The following NUFIP1 variants were observed in gnomAD, a reference collection of about 807,000 sequenced individuals.
NUFIP1 encodes nuclear FMR1 interacting protein 1.
A neutral mutation model predicts 56.2 loss-of-function variants in NUFIP1; 38 were observed. The observed-to-expected ratio is 0.68, with a 90% CI of 0.52 to 0.89. NUFIP1 has a LOEUF of 0.89. Ranked by LOEUF, NUFIP1 falls within the 40% of genes least tolerant of loss-of-function variation. NUFIP1 has a pLI of 0.00. For missense variants in NUFIP1, 567 were observed against 605.8 expected (o/e 0.94, Z 0.67); for synonymous variants, 215 against 212.4 (o/e 1.01, Z -0.10).
At chr13:44,988,242 A>C (rs1872492839) in intron 1 of NUFIP1, among the ~76,000 whole-genome samples, 1 of 152,210 alleles carries the variant, frequency 6.6e-6, no homozygotes, top group Non-Finnish European at 1.5e-5. Context: ...AACACGGGGC[A>C]ACCCCCTTTC....
chr13:44,977,249 C>T (rs1489045990), intron 5 of NUFIP1, among the ~76,000 whole-genome samples: 3 of 152,170 alleles, frequency 2.0e-5, no homozygotes, highest in East Asian at 3.8e-4. Flanking sequence ...TGTATAAGAC[C>T]AGGGCCAACT....
intron 1 of NUFIP1, among the ~76,000 whole-genome samples, chr13:44,982,543 C>T (rs74068019): frequency 3.1e-4 from 47 of 152,268 alleles, no homozygotes; most frequent in African/African-American, 1.1e-3. Context: ...TCTCAAATCC[C>T]ACTGTACTTT....
Position 44,941,046 on chromosome 13 carries a change from G to A in NUFIP1, c.*160C>T. 1 of 506,518 alleles carries A rather than the reference G, an allele frequency of 2.0e-6. No individual in the cohort carries two copies. The highest frequency in any genetic ancestry group is 3.7e-5 in the South Asian group (1 of 26,898). The allele number at this position is 506,518 out of a possible 1,614,324, so 31.4% of individuals were successfully genotyped here. On this transcript the variant is annotated 3_prime_UTR_variant, in exon 10 of 10. Transcript: ENST00000379161. ...AATCAGTTATTTTTTTATTTGCATA[G>A]AACCAAAGGAAAGACTTAAAATTCC...
chr13:44,974,518 G>A (rs770983645), intron 5 of NUFIP1, among the ~76,000 whole-genome samples: 3 of 152,300 alleles, frequency 2.0e-5, no homozygotes, highest in Non-Finnish European at 2.9e-5. Flanking sequence ...GTAAGTGGCT[G>A]AAACTGCATG....
At chr13:44,966,690 A>G (rs73179677) in intron 5 of NUFIP1, among the ~76,000 whole-genome samples, 2 of 152,182 alleles carry the variant, frequency 1.3e-5, no homozygotes, top group African/African-American at 2.4e-5. Flanking sequence ...ACAGTTCTCA[A>G]AAAATATACA....
At chr13:44,945,486 T>C (rs561672731) in intron 8 of NUFIP1, among the ~76,000 whole-genome samples, 6 of 151,748 alleles carry the variant, frequency 4.0e-5, no homozygotes, top group African/African-American at 9.7e-5. Context: ...GAGGAGGAAA[T>C]AGATCCCTAC....
Position 44,989,293 on chromosome 13 carries a change from T to C in NUFIP1, c.144A>G (p.Pro48=), listed in dbSNP as rs766841819. ...MFWAMLPPPP[P]PLTSSLPAAG... Reference sequence around the variant, plus strand: ...CTGCGGGAAGCGAGGACGTAAGTGGTGGTGGCGGTGGCGGCAGCATTGCCC... The same window carrying C: ...CTGCGGGAAGCGAGGACGTAAGTGGCGGTGGCGGTGGCGGCAGCATTGCCC... The change falls in exon 1 of 10, where the codon CCA becomes CCG. Residue 48 remains proline, a synonymous_variant. Transcript: ENST00000379161. 12 of 1,613,230 alleles carry C rather than the reference T, an allele frequency of 7.4e-6. No individual in the cohort carries two copies. Among genetic ancestry groups the C allele is most frequent in the African/African-American group, 4.0e-5 (3 of 74,882 alleles).
intron 7 of NUFIP1, among the ~76,000 whole-genome samples, chr13:44,953,512 T>A (rs1373831644): frequency 6.6e-6 from 1 of 152,216 alleles, no homozygotes; most frequent in East Asian, 1.9e-4. Context: ...GGCACTCATA[T>A]CAGTATAGAC....
chr13:44,986,909 C>A (rs1872418846), intron 1 of NUFIP1, among the ~76,000 whole-genome samples: 1 of 152,098 alleles, frequency 6.6e-6, no homozygotes, highest in Non-Finnish European at 1.5e-5. Context: ...GTAGCCTCGA[C>A]TTCCTGGGCT....
At position 44,984,868 on chromosome 13, in the gene NUFIP1, C is replaced by T. The variant is rs186437916; in HGVS notation, c.413-2714G>A. Among the ~76,000 whole-genome samples, 701 of 152,174 alleles carry T rather than the reference C, an allele frequency of 4.6e-3. 17 individuals carry two copies. The highest frequency in any genetic ancestry group is 0.04 in the Admixed American group (616 of 15,286). ...ATGCTATACCTCCCCGTTCCCCCCA[C>T]CCCACAACAGTCCCCAGAGTGTGAT... On this transcript the variant is annotated intron_variant, in intron 1 of 9. Coordinates refer to ENST00000379161, the MANE Select transcript of NUFIP1 (RefSeq NM_012345.3).
intron 7 of NUFIP1, among the ~76,000 whole-genome samples, chr13:44,953,576 G>C (rs1394336444): frequency 2.0e-5 from 3 of 151,986 alleles, no homozygotes; most frequent in Non-Finnish European, 4.4e-5. Flanking sequence ...TTTATTTTGT[G>C]GCACCAATTG....
intron 8 of NUFIP1, among the ~76,000 whole-genome samples, chr13:44,948,946 T>C (rs1187701270): frequency 6.6e-6 from 1 of 152,156 alleles, no homozygotes; most frequent in Admixed American, 6.5e-5. Context: ...GTTGTTGTGT[T>C]TTCCAAATGA....
intron 6 of NUFIP1, among the ~76,000 whole-genome samples, chr13:44,962,228 A>T (rs1593363148): frequency 6.6e-6 from 1 of 152,246 alleles, no homozygotes; most frequent in Non-Finnish European, 1.5e-5. Context: ...TAAGAAGACA[A>T]AATTACATAA....
chr13:44,969,188 C>T (rs1271500356), intron 5 of NUFIP1, among the ~76,000 whole-genome samples: 10 of 152,058 alleles, frequency 6.6e-5, no homozygotes, highest in Non-Finnish European at 7.4e-5. Flanking sequence ...CTTATTTACA[C>T]AGAATCCAGA....
In NUFIP1 at chr13:44,986,608, C is replaced by T. The variant is rs549068276; in HGVS notation, c.412+2417G>A. 2.1e-4 allele frequency among the ~76,000 whole-genome samples: 31 copies of T among 149,774 alleles called. 1 individual carries two copies. In the East Asian group the frequency reaches 5.4e-3, roughly 26 times the overall value. The stretch of plus-strand genomic sequence containing the variant: ...TAGGGAGGCTGAGGCAGGAGAACGG[C>T]GTGAACCTGGGAGGCAGAGCTTGCA... On this transcript the variant is annotated intron_variant, in intron 1 of 9. Transcript: ENST00000379161.
intron 5 of NUFIP1, among the ~76,000 whole-genome samples, chr13:44,976,107 A>T (rs1188356604): frequency 6.6e-6 from 1 of 150,744 alleles, no homozygotes; most frequent in Non-Finnish European, 1.5e-5. Context: ...AACTGATCAA[A>T]GTCCAGGCTA....
In NUFIP1 at chr13:44,943,503, T is replaced by C. The variant is rs1870815719; in HGVS notation, c.1310A>G (p.Asp437Gly). The change falls in exon 9 of 10, where the codon GAT becomes GGT. Residue 437 changes from aspartate (D) to glycine (G), a missense_variant. Transcript: ENST00000379161. ...GAATAACGTTTGATAGTTGTGATAA[T>C]CTTTTTTCCTCTTAGGGTTTGTTTT... ...FEKTNPKRKK[D>G]YHNYQTLFEP... is the part of the protein sequence containing the mutation. The C allele has an allele frequency of 1.2e-6, 2 of 1,614,026 alleles. No individual in the cohort carries two copies. The highest frequency in any genetic ancestry group is 1.7e-6 in the Non-Finnish European group (2 of 1,180,034).
chr13:44,983,045 G>A (rs926619528), intron 1 of NUFIP1, among the ~76,000 whole-genome samples: 3 of 152,110 alleles, frequency 2.0e-5, no homozygotes, highest in South Asian at 4.1e-4. Flanking sequence ...TATAGAGATG[G>A]GGTCTCACTA....
intron 3 of NUFIP1, among the ~76,000 whole-genome samples, 173 bp downstream of exon 3, chr13:44,980,549 G>A (rs79876630): frequency 0.014 from 2,059 of 152,204 alleles, 61 homozygotes; most frequent in African/African-American, 0.046. Context: ...CTGAAGCAGC[G>A]GGATCCCCAC....
Sources: gnomAD v4.1 joint callset for allele counts (sites outside exome capture counted in the v4.1 genomes callset) on GRCh38, gnomAD v4.1.1 for gene constraint, MANE v1.5 for transcripts, NCBI Gene and HGNC (gene_info 2026-07-23, HGNC 2026-07-21) for gene names.